SLC16A9: variants seen among roughly 807,000 people sequenced by gnomAD.
SLC16A9 encodes monocarboxylate transporter 9.
SLC16A9 carries 26 observed loss-of-function variants against 44.3 expected under a neutral mutation model. The observed-to-expected ratio is 0.59, with a 90% CI of 0.43 to 0.81. The LOEUF is 0.81. Ranked by LOEUF, SLC16A9 falls within the 40% of genes least tolerant of loss-of-function variation. The probability of loss-of-function intolerance (pLI) is 0.00; values close to 1 mark genes in which losing one functional copy is unlikely to be tolerated. For synonymous variants in SLC16A9, 230 were observed against 225.1 expected, an observed-to-expected ratio of 1.02 and a Z score of -0.19; for missense variants, 559 against 595.8, an observed-to-expected ratio of 0.94 and a Z score of 0.64.
At chr10:59,703,811 C>T (rs1171184514) in intron 1 of SLC16A9, among the ~76,000 whole-genome samples, 2 of 151,910 alleles carry the variant, frequency 1.3e-5, no homozygotes, top group African/African-American at 2.4e-5. Flanking sequence ...CTCCACCTCC[C>T]GGGTTCACGC....
intron 3 of SLC16A9, among the ~76,000 whole-genome samples, chr10:59,664,968 A>T (rs1398008090): frequency 6.6e-6 from 1 of 150,738 alleles, no homozygotes; most frequent in Non-Finnish European, 1.5e-5. Context: ...ACAACAAAAT[A>T]CTGACAACTA....
At chr10:59,704,032 G>T (rs1388931012) in intron 1 of SLC16A9, among the ~76,000 whole-genome samples, 1 of 152,138 alleles carries the variant, frequency 6.6e-6, no homozygotes, top group African/African-American at 2.4e-5. Context: ...AATTGCTGAT[G>T]TTTTAACACT....
At chr10:59,687,238 G>C (rs1316269704) in intron 1 of SLC16A9, among the ~76,000 whole-genome samples, 1 of 152,178 alleles carries the variant, frequency 6.6e-6, no homozygotes, top group South Asian at 2.1e-4. Flanking sequence ...GCATTGAACA[G>C]TACATACAGA....
intron 1 of SLC16A9, among the ~76,000 whole-genome samples, chr10:59,697,697 C>T (rs1840427201): frequency 6.7e-6 from 1 of 148,184 alleles, no homozygotes; most frequent in Non-Finnish European, 1.5e-5. Context: ...CTGCCAAATC[C>T]CCCTCTGCGA....
intron 4 of SLC16A9, among the ~76,000 whole-genome samples, chr10:59,659,964 C>T (rs1839434267): frequency 6.6e-6 from 1 of 152,126 alleles, no homozygotes; most frequent in South Asian, 2.1e-4. Context: ...AGAACAAAGA[C>T]ACAATGTACC....
At chr10:59,690,298 G>T (rs1840224822) in intron 1 of SLC16A9, among the ~76,000 whole-genome samples, 2 of 152,208 alleles carry the variant, frequency 1.3e-5, no homozygotes, top group Non-Finnish European at 2.9e-5. Flanking sequence ...ATAAGGTATG[G>T]TCCCTGACCT....
intron 3 of SLC16A9, among the ~76,000 whole-genome samples, chr10:59,668,381 C>T (rs887118434): frequency 3.3e-5 from 5 of 152,168 alleles, no homozygotes; most frequent in African/African-American, 9.7e-5. Context: ...CCCCACTCCC[C>T]TTCCAACCGT....
At chr10:59,693,274 A>G (rs563177339) in intron 1 of SLC16A9, among the ~76,000 whole-genome samples, 2 of 152,376 alleles carry the variant, frequency 1.3e-5, no homozygotes, top group South Asian at 4.1e-4. Flanking sequence ...TGATTGATGT[A>G]TTAGCAAATG....
At chr10:59,653,425 CAAA>C (rs562805430) in intron 5 of SLC16A9, among the ~76,000 whole-genome samples, 4 of 36,774 alleles carry the variant, frequency 1.1e-4, no homozygotes, top group Non-Finnish European at 1.3e-4. Context: ...AACTCCGTCT[CAAA>C]AAAAAAAAAA....
At chr10:59,679,892 C>T (rs948852171) in intron 2 of SLC16A9, among the ~76,000 whole-genome samples, 1 of 152,198 alleles carries the variant, frequency 6.6e-6, no homozygotes, top group Non-Finnish European at 1.5e-5. Flanking sequence ...TCCTATCTGG[C>T]CCATCTCAAT....
At position 59,654,352 on chromosome 10, in the gene SLC16A9, A is replaced by T; in HGVS notation, c.674T>A (p.Ile225Lys). 1 of 1,613,962 alleles carries T rather than the reference A, an allele frequency of 6.2e-7. No homozygotes were observed. The highest frequency in any genetic ancestry group is 1.1e-5 in the South Asian group (1 of 91,080). ...NEKGKNLEEN[I>K]NILDKSYSSE... Reference sequence around the variant, plus strand: ...ACTGTAGCTCTTGTCAAGAATGTTTATGTTTTCTTCCAGATTCTTTCCTTT... The same window carrying T: ...ACTGTAGCTCTTGTCAAGAATGTTTTTGTTTTCTTCCAGATTCTTTCCTTT... The change falls in exon 5 of 6, where the codon ATA becomes AAA. Residue 225 changes from isoleucine to lysine, a missense_variant. Transcript: ENST00000395348.
Position 59,684,274 on chromosome 10 carries a change from C to A in SLC16A9, c.18G>T (p.Ser6=), listed in dbSNP as rs370558954. The part of the protein sequence containing the change: MELKK[S]PDGGWGWVIV... ...TCACCCAGCCCCATCCACCGTCAGGCGACTTTTTAAGTTCCATTGTAAGAC... is the reference window on the plus strand; with the variant it reads ...TCACCCAGCCCCATCCACCGTCAGGAGACTTTTTAAGTTCCATTGTAAGAC... Residue 6 remains serine (S), a synonymous_variant, in exon 2 of 6, where the codon TCG becomes TCT. Transcript: ENST00000395348. The A allele has an allele frequency of 2.5e-6, 4 of 1,612,550 alleles. No homozygotes were observed. Among genetic ancestry groups the A allele is most frequent in the Non-Finnish European group, 3.4e-6 (4 of 1,179,478 alleles).
intron 1 of SLC16A9, among the ~76,000 whole-genome samples, chr10:59,701,331 T>C (rs1840518624): frequency 6.6e-6 from 1 of 152,232 alleles, no homozygotes; most frequent in Non-Finnish European, 1.5e-5. Context: ...GTCTCCCTGC[T>C]GCAGGGCATC....
intron 1 of SLC16A9, among the ~76,000 whole-genome samples, chr10:59,705,315 T>C (rs1840613837): frequency 6.6e-6 from 1 of 152,008 alleles, no homozygotes. Flanking sequence ...CCAGTTTCTA[T>C]CTAATATTAA....
intron 1 of SLC16A9, among the ~76,000 whole-genome samples, chr10:59,687,356 C>A (rs1003056141): frequency 7.0e-4 from 106 of 152,140 alleles, no homozygotes; most frequent in African/African-American, 2.5e-3. Context: ...ATTTCTTTTA[C>A]GAAGTTAAGA....
chr10:59,654,425 T>G lies in SLC16A9; in HGVS notation c.601A>C (p.Lys201Gln). ...TCTGGTAGATCTTCTGGAGCTATTT[T>G]TTTAGGCAAAGGACAATCAGAAGAT... ...LQSSDCPLPK[K>Q]IAPEDLPDKY... The change falls in exon 5 of 6, where the codon AAA (lysine) becomes CAA (glutamine). Residue 201 changes from lysine to glutamine, a missense_variant. By Grantham distance (53) the Lys-to-Gln change is moderately conservative (BLOSUM62 1). Transcript: ENST00000395348. 3.7e-6 allele frequency: 6 copies of G among 1,613,700 alleles called. No homozygotes were observed. Among genetic ancestry groups the G allele is most frequent in the Non-Finnish European group, 5.1e-6 (6 of 1,180,036 alleles).
At chr10:59,704,010 T>C (rs12573838) in intron 1 of SLC16A9, among the ~76,000 whole-genome samples, 19,579 of 152,234 alleles carry the variant, frequency 0.13, 1,422 homozygotes, top group East Asian at 0.21. Flanking sequence ...CGTGAGCCAC[T>C]GCGCCCGGCC....
chr10:59,677,018 T>C (rs946923726), intron 2 of SLC16A9, among the ~76,000 whole-genome samples: 2 of 150,894 alleles, frequency 1.3e-5, no homozygotes, highest in Non-Finnish European at 2.9e-5. Flanking sequence ...GAGAAGGATG[T>C]AATTTTGGAA....
chr10:59,697,688 T>A (rs1372670244), intron 1 of SLC16A9, among the ~76,000 whole-genome samples: 13 of 147,850 alleles, frequency 8.8e-5, no homozygotes, highest in Non-Finnish European at 1.6e-4. Flanking sequence ...CCTGTGACCC[T>A]GCCAAATCCC....
Sources: allele counts gnomAD v4.1 joint callset (sites outside exome capture counted in the v4.1 genomes callset), GRCh38; gene constraint gnomAD v4.1.1; transcripts MANE v1.5; gene names NCBI Gene and HGNC (gene_info 2026-07-23, HGNC 2026-07-21).